The following CHST11 variants were observed in gnomAD, a reference collection of about 807,000 sequenced individuals.
CHST11 encodes the protein carbohydrate sulfotransferase 11, also known as C4S-1.
Under a neutral mutation model 30.4 loss-of-function variants are expected in CHST11, and 9 were observed. The observed-to-expected ratio is 0.30, with a 90% confidence interval of 0.18 to 0.52. CHST11 has a LOEUF of 0.52. Among genes scored for constraint, CHST11 ranks in the 20% least tolerant of loss-of-function variants. The pLI is 0.97. For missense variants in CHST11, 348 were observed against 460.6 expected (o/e 0.76, Z 2.24); for synonymous variants, 152 against 187.8 (o/e 0.81, Z 1.56).
chr12:104,753,320 C>A (rs1179898422), intron 2 of CHST11, among the ~76,000 whole-genome samples: 2 of 152,124 alleles, frequency 1.3e-5, no homozygotes, highest in African/African-American at 4.8e-5. Flanking sequence ...TCCTAATAAT[C>A]TCCGTTATTA....
intron 2 of CHST11, among the ~76,000 whole-genome samples, chr12:104,713,992 C>A (rs550240016): frequency 3.9e-5 from 6 of 152,192 alleles, no homozygotes; most frequent in Non-Finnish European, 8.8e-5. Context: ...AGCCTCCCTG[C>A]CACCTGTCAT....
intron 2 of CHST11, among the ~76,000 whole-genome samples, chr12:104,660,691 C>G (rs1053227629): frequency 1.3e-5 from 2 of 152,110 alleles, no homozygotes; most frequent in East Asian, 1.9e-4. Context: ...TTTCACACCC[C>G]CTTCTTCTCA....
chr12:104,748,081 G>A (rs943786893), intron 2 of CHST11, among the ~76,000 whole-genome samples: 4 of 152,198 alleles, frequency 2.6e-5, no homozygotes, highest in Non-Finnish European at 2.9e-5. Context: ...CCATGTTCAC[G>A]GTTTCCTAGA....
chr12:104,633,206 A>G (rs922688528), intron 2 of CHST11, among the ~76,000 whole-genome samples: 2 of 152,230 alleles, frequency 1.3e-5, no homozygotes, highest in African/African-American at 4.8e-5. Flanking sequence ...GTGAGCACCA[A>G]CTGAGGCTGG....
Position 104,612,304 on chromosome 12 carries a change from G to A in CHST11, c.204+10313G>A, listed in dbSNP as rs577955908. 3.9e-5 allele frequency among the ~76,000 whole-genome samples: 6 copies of A among 152,388 alleles called. No individual in the cohort carries two copies. The East Asian group carries it at 9.6e-4, about 24-fold the overall frequency. Reference sequence around the variant, plus strand: ...ATTGGTTCCTTCTGAGGGCCGTGAAGAAGGGCCTGTTCCAGGCCTGTCTGT... The same window carrying A: ...ATTGGTTCCTTCTGAGGGCCGTGAAAAAGGGCCTGTTCCAGGCCTGTCTGT... On this transcript the variant is annotated intron_variant, in intron 2 of 2. Transcript: ENST00000303694.
chr12:104,572,079 G>A (rs2038632201), intron 1 of CHST11, among the ~76,000 whole-genome samples: 1 of 152,092 alleles, frequency 6.6e-6, no homozygotes. Flanking sequence ...TGATCATGGT[G>A]GATAAGCTTT....
At chr12:104,533,400 C>A (rs1029356129) in intron 1 of CHST11, among the ~76,000 whole-genome samples, 3 of 152,136 alleles carry the variant, frequency 2.0e-5, no homozygotes, top group African/African-American at 7.2e-5. Context: ...TGGCATCAAA[C>A]CTGAAAACAC....
intron 1 of CHST11, among the ~76,000 whole-genome samples, chr12:104,586,977 A>T (rs922148684): frequency 2.6e-5 from 4 of 152,286 alleles, no homozygotes; most frequent in African/African-American, 7.2e-5. Context: ...AAGTTCTTCT[A>T]CTACTGTGGG....
At chr12:104,738,752 T>C (rs10861274) in intron 2 of CHST11, among the ~76,000 whole-genome samples, 10,221 of 152,272 alleles carry the variant, frequency 0.067, 785 homozygotes, top group East Asian at 0.34. Context: ...CTGACACTAG[T>C]GTCTTCTCTT....
At position 104,478,473 on chromosome 12, in the gene CHST11, C is replaced by T. The variant is rs530773290; in HGVS notation, c.118+20944C>T. 3.9e-5 allele frequency among the ~76,000 whole-genome samples: 6 copies of T among 152,244 alleles called. No homozygotes were observed. The South Asian group carries it at 1.2e-3, about 32-fold the overall frequency. ...TCTCCACTGACCCCTTCCCCATAGT[C>T]TCTTTTATGTACACCCTGACTTCCC... On this transcript the variant is annotated intron_variant, in intron 1 of 2. Coordinates refer to ENST00000303694, the MANE Select transcript of CHST11 (RefSeq NM_018413.6).
At chr12:104,646,345 C>T (rs2039430242) in intron 2 of CHST11, among the ~76,000 whole-genome samples, 1 of 152,218 alleles carries the variant, frequency 6.6e-6, no homozygotes, top group African/African-American at 2.4e-5. Flanking sequence ...CAGACCTTGT[C>T]TTAAATGTTG....
chr12:104,678,438 A>G (rs1441085767), intron 2 of CHST11, among the ~76,000 whole-genome samples: 3 of 152,222 alleles, frequency 2.0e-5, no homozygotes, highest in Non-Finnish European at 4.4e-5. Flanking sequence ...ATACTTGCTA[A>G]CATGCTGCGC....
At chr12:104,525,109 T>C (rs920170575) in intron 1 of CHST11, among the ~76,000 whole-genome samples, 4 of 134,824 alleles carry the variant, frequency 3.0e-5, no homozygotes, top group Non-Finnish European at 6.0e-5. Flanking sequence ...TTTCTTTCTT[T>C]TTTTTTTTTT....
chr12:104,731,482 T>TG (rs750209362), intron 2 of CHST11, among the ~76,000 whole-genome samples: 35 of 152,178 alleles, frequency 2.3e-4, no homozygotes, highest in Non-Finnish European at 3.1e-4. Flanking sequence ...GGTTTTATTT[T>TG]GGGGGGATCA....
chr12:104,541,609 T>C (rs2038288032), intron 1 of CHST11, among the ~76,000 whole-genome samples: 2 of 152,214 alleles, frequency 1.3e-5, no homozygotes, highest in African/African-American at 4.8e-5. Flanking sequence ...ATCCCCCTGT[T>C]GGGCATAGGA....
chr12:104,498,043 C>G (rs901165343), intron 1 of CHST11, among the ~76,000 whole-genome samples: 1 of 151,536 alleles, frequency 6.6e-6, no homozygotes, highest in Non-Finnish European at 1.5e-5. Context: ...CTCAGCCTCC[C>G]GAGTAGCTGG....
rs115577581 is a variant in CHST11, at chr12:104,585,583, T to C, written c.119-16323T>C. ...ACTCTACTAGGTAGGCAAATTGTTC[T>C]CCCCATTTTATAGGTGAGATAACTG... is the stretch of plus-strand genomic sequence containing the variant. On this transcript the variant is annotated intron_variant, in intron 1 of 2. Transcript: ENST00000303694. Among the ~76,000 whole-genome samples, 1,254 of 152,340 alleles carry C rather than the reference T, an allele frequency of 8.2e-3. 14 individuals carry two copies. Among genetic ancestry groups the C allele is most frequent in the African/African-American group, 0.027 (1,132 of 41,580 alleles).
chr12:104,519,090 G>GTGTGTGTGTA (rs1302440719), intron 1 of CHST11, among the ~76,000 whole-genome samples: 2 of 151,150 alleles, frequency 1.3e-5, no homozygotes, highest in Admixed American at 1.3e-4. Context: ...GTGTGTGTGT[G>GTGTGTGTGTA]TGTGTGTGTG....
intron 1 of CHST11, among the ~76,000 whole-genome samples, chr12:104,511,952 T>C (rs898601017): frequency 6.6e-6 from 1 of 152,196 alleles, no homozygotes; most frequent in Non-Finnish European, 1.5e-5. Context: ...CCTACACACA[T>C]CCTCCCATAT....
Sources: allele counts gnomAD v4.1 joint callset (sites outside exome capture counted in the v4.1 genomes callset), GRCh38; gene constraint gnomAD v4.1.1; transcripts MANE v1.5; gene names NCBI Gene and HGNC (gene_info 2026-07-23, HGNC 2026-07-21).